The following PACRG variants were observed in gnomAD, a reference collection of about 807,000 sequenced individuals.
PACRG encodes the protein parkin coregulated gene protein.
Under a neutral mutation model 29.7 loss-of-function variants are expected in PACRG, and 29 were observed. The observed-to-expected ratio is 0.98, with a 90% CI of 0.73 to 1.33. PACRG has a LOEUF of 1.33. PACRG is among the 40% of genes most tolerant of loss of function. The pLI is 0.00. For synonymous variants in PACRG, 116 were observed against 118.7 expected, an observed-to-expected ratio of 0.98 and a Z score of 0.15; for missense variants, 279 against 316.2, an observed-to-expected ratio of 0.88 and a Z score of 0.89.
At chr6:163,308,579 T>C (rs1046816271) in intron 4 of PACRG, among the ~76,000 whole-genome samples, 1 of 151,014 alleles carries the variant, frequency 6.6e-6, no homozygotes, top group Non-Finnish European at 1.5e-5. Flanking sequence ...GGCAGGAGAA[T>C]CGTTTGAACC....
chr6:162,904,141 G>T (rs1330735300), intron 2 of PACRG, among the ~76,000 whole-genome samples: 1 of 152,180 alleles, frequency 6.6e-6, no homozygotes, highest in Non-Finnish European at 1.5e-5. Context: ...TCCTCTGAAG[G>T]TTTTCACCCA....
At chr6:163,143,732 GGCGACGTCA>G (rs1777652447) in intron 4 of PACRG, among the ~76,000 whole-genome samples, 1 of 152,072 alleles carries the variant, frequency 6.6e-6, no homozygotes, top group Non-Finnish European at 1.5e-5. Context: ...AACAGGCCTG[GGCGACGTCA>G]GCAAGGAGGT....
At chr6:162,962,569 A>C (rs1444812096) in intron 2 of PACRG, among the ~76,000 whole-genome samples, 2 of 111,132 alleles carry the variant, frequency 1.8e-5, no homozygotes, top group East Asian at 7.0e-4. Context: ...TTCTTATGGG[A>C]AGAAGAAGAG....
chr6:162,841,749 C>T (rs1789792963), intron 2 of PACRG, among the ~76,000 whole-genome samples: 3 of 151,398 alleles, frequency 2.0e-5, no homozygotes, highest in Admixed American at 6.6e-5. Context: ...ATAAATTTCC[C>T]TCTACACACT....
At chr6:163,279,216 C>G (rs1279951169) in intron 4 of PACRG, among the ~76,000 whole-genome samples, 1 of 152,176 alleles carries the variant, frequency 6.6e-6, no homozygotes, top group Non-Finnish European at 1.5e-5. Flanking sequence ...AATTCCTTTA[C>G]AAGTTCTAGA....
At chr6:162,770,668 C>T (rs978027425) in intron 1 of PACRG, among the ~76,000 whole-genome samples, 2 of 152,118 alleles carry the variant, frequency 1.3e-5, no homozygotes, top group African/African-American at 4.8e-5. Flanking sequence ...AGGCATCCTC[C>T]TCTTCTCAGT....
At chr6:163,127,555 G>T (rs1195557966) in intron 4 of PACRG, among the ~76,000 whole-genome samples, 1 of 152,092 alleles carries the variant, frequency 6.6e-6, no homozygotes, top group Admixed American at 6.5e-5. Flanking sequence ...TCTTCAGGTC[G>T]CCTTATAACT....
chr6:163,085,568 T>G (rs1369333183), intron 3 of PACRG, among the ~76,000 whole-genome samples: 2 of 152,142 alleles, frequency 1.3e-5, no homozygotes, highest in Non-Finnish European at 2.9e-5. Flanking sequence ...CTTTCTACTA[T>G]CTCTTGAATC....
intron 2 of PACRG, among the ~76,000 whole-genome samples, chr6:162,875,669 C>T (rs1793279852): frequency 6.6e-6 from 1 of 152,146 alleles, no homozygotes. Context: ...AGTCTATGTC[C>T]AAGGCTGGTT....
At chr6:162,899,746 C>T (rs893623056) in intron 2 of PACRG, among the ~76,000 whole-genome samples, 2 of 152,044 alleles carry the variant, frequency 1.3e-5, no homozygotes, top group Non-Finnish European at 2.9e-5. Flanking sequence ...TCACTGGATA[C>T]GAGTAATATT....
At chr6:162,753,562 T>G (rs1429198061) in intron 1 of PACRG, among the ~76,000 whole-genome samples, 2 of 152,194 alleles carry the variant, frequency 1.3e-5, no homozygotes, top group Non-Finnish European at 2.9e-5. Flanking sequence ...TTTGGCTCTG[T>G]GTCCCCACCC....
In PACRG at chr6:163,092,625, T is replaced by A. The variant is rs148848102; in HGVS notation, c.613+3217T>A. Among the ~76,000 whole-genome samples the A allele has an allele frequency of 2.6e-5, 4 of 152,218 alleles. No homozygotes were observed. In the East Asian group the frequency reaches 7.7e-4, roughly 29 times the overall value. Reference sequence around the variant, plus strand: ...CAGAAAAGCTGTGACCTCAGGCAAATCCCTTAAAGTCTGTAATCATCAATT... The same window carrying A: ...CAGAAAAGCTGTGACCTCAGGCAAAACCCTTAAAGTCTGTAATCATCAATT... On this transcript the variant is annotated intron_variant, in intron 4 of 4. Coordinates refer to ENST00000366888, the MANE Select transcript of PACRG (RefSeq NM_001080379.2).
intron 2 of PACRG, among the ~76,000 whole-genome samples, chr6:162,928,152 T>C (rs1218939384): frequency 1.3e-5 from 2 of 152,164 alleles, no homozygotes; most frequent in Non-Finnish European, 2.9e-5. Flanking sequence ...ATTTGGGCTT[T>C]TTTTGAGGGG....
chr6:162,981,498 TCTTG>T (rs1802431171), intron 2 of PACRG, among the ~76,000 whole-genome samples: 1 of 151,888 alleles, frequency 6.6e-6, no homozygotes. Context: ...TTTTGCTTAG[TCTTG>T]CTTGCTTTGG....
At chr6:162,746,179 A>G (rs1780973105) in intron 1 of PACRG, among the ~76,000 whole-genome samples, 1 of 152,200 alleles carries the variant, frequency 6.6e-6, no homozygotes, top group Admixed American at 6.5e-5. Context: ...TGTCTATTCT[A>G]AATTAAAGTA....
chr6:162,933,373 T>A (rs2128108160), intron 2 of PACRG, among the ~76,000 whole-genome samples: 1 of 152,258 alleles, frequency 6.6e-6, no homozygotes, highest in Non-Finnish European at 1.5e-5. Context: ...GTAGTGCAGT[T>A]TAAGTCCAGT....
chr6:163,184,192 G>A (rs545451557), intron 4 of PACRG, among the ~76,000 whole-genome samples: 9 of 152,114 alleles, frequency 5.9e-5, no homozygotes, highest in Non-Finnish European at 8.8e-5. Flanking sequence ...CCTTGTGCTC[G>A]GTTCCTTAAG....
rs1406447152 is a variant in PACRG, at chr6:163,314,823, C to T, written c.614-4C>T. On this transcript the variant is annotated splice_region_variant and splice_polypyrimidine_tract_variant and intron_variant, in intron 4 of 4. Coordinates refer to ENST00000366888, the MANE Select transcript of PACRG (RefSeq NM_001080379.2). ...TGGCCTCTTTGTGTGTTTGCATGCA[C>T]CAGTGAACTCCGGAGACGGCATTGA... The T allele has an allele frequency of 2.5e-6, 4 of 1,613,368 alleles. No individual in the cohort carries two copies. In the African/African-American group the frequency reaches 4.0e-5, roughly 16 times the overall value.
intron 2 of PACRG, among the ~76,000 whole-genome samples, chr6:162,835,670 GT>G (rs1038956253): frequency 2.3e-4 from 35 of 151,890 alleles, no homozygotes; most frequent in African/African-American, 8.2e-4. Flanking sequence ...AAAATCTGTG[GT>G]TTTTTTTGTT....
Sources: gnomAD v4.1 joint callset for allele counts (sites outside exome capture counted in the v4.1 genomes callset) on GRCh38, gnomAD v4.1.1 for gene constraint, MANE v1.5 for transcripts, NCBI Gene and HGNC (gene_info 2026-07-23, HGNC 2026-07-21) for gene names.